TRPV6: variants seen among roughly 807,000 people sequenced by gnomAD.
TRPV6 encodes Alu-binding protein with zinc finger domain.
A neutral mutation model predicts 79.0 loss-of-function variants in TRPV6; 39 were observed. That is an observed-to-expected ratio of 0.49 (90% CI 0.38 to 0.64). The LOEUF (loss-of-function observed/expected upper bound fraction) is 0.64. Among genes scored for constraint, TRPV6 ranks in the 30% least tolerant of loss-of-function variants. The pLI is 0.00. For synonymous variants in TRPV6, 373 were observed against 391.9 expected (o/e 0.95, Z 0.57); for missense variants, 813 against 1,011.1 (o/e 0.80, Z 2.66).
At chr7:142,874,287 C>G in intron 11 of TRPV6, 145 bp from the exon 12 acceptor site, 3 of 1,142,692 alleles carry the variant, frequency 2.6e-6, no homozygotes, top group Non-Finnish European at 2.6e-6. Flanking sequence ...TGGACCAGAT[C>G]TACCTGACCT....
intron 1 of TRPV6, 86 bp downstream of exon 1, chr7:142,885,303 A>C: frequency 6.7e-7 from 1 of 1,483,410 alleles, no homozygotes; most frequent in Non-Finnish European, 9.0e-7. Flanking sequence ...AAAGGTGCCA[A>C]ACAAAGACGG....
Position 142,875,870 on chromosome 7 carries a change from G to T in TRPV6, c.917C>A (p.Thr306Asn), listed in dbSNP as rs765712349. The T allele has an allele frequency of 2.5e-6, 4 of 1,598,950 alleles. No individual in the cohort carries two copies. Among genetic ancestry groups the T allele is most frequent in the South Asian group, 2.2e-5 (2 of 88,952 alleles). ...GGTCAGTGGTCCATACGTCCACTGG[G>T]TGTGCTTCCGCTTCTGCATCAGGTG... Residue 306 changes from threonine to asparagine, a missense_variant, in exon 7 of 15, where the codon ACC (threonine) becomes AAC (asparagine). Around this residue, in one of 3 missense-constraint regions of TRPV6, gnomAD observed 555 missense variants for 631.0 expected, o/e 0.88. Coordinates refer to ENST00000359396, the MANE Select transcript of TRPV6 (RefSeq NM_018646.6).
Position 142,885,562 on chromosome 7 carries a change from C to A in TRPV6, c.75G>T (p.Arg25Ser), listed in dbSNP as rs768389271. 6.4e-7 allele frequency: 1 copy of A among 1,556,692 alleles called. No individual in the cohort carries two copies. The highest frequency in any genetic ancestry group is 8.7e-7 in the Non-Finnish European group (1 of 1,149,890). The change falls in exon 1 of 15, where the codon AGG becomes AGT. Residue 25 changes from arginine (R) to serine (S), a missense_variant. Around this residue, in one of 3 missense-constraint regions of TRPV6, gnomAD observed 555 missense variants for 631.0 expected, o/e 0.88. Transcript: ENST00000359396. The stretch of plus-strand genomic sequence containing the variant: ...TGGGGGCCTGAGGCCGAGGCCAGAC[C>A]CTGACGGGACTCAGCCTTGGGGCCA...
At chr7:142,882,225 G>A (rs1473241811) in intron 1 of TRPV6, 2 of 152,424 alleles carry the variant, frequency 1.3e-5, no homozygotes, top group Non-Finnish European at 2.9e-5. Context: ...GCATTCCTGG[G>A]TGGATACAGT....
At chr7:142,874,793 A>G in intron 10 of TRPV6, 111 bp downstream of exon 10, 2 of 1,549,574 alleles carry the variant, frequency 1.3e-6, no homozygotes, top group Non-Finnish European at 1.8e-6. Flanking sequence ...TCATACACAC[A>G]GCACTAGAGA....
intron 1 of TRPV6, chr7:142,882,914 G>A (rs918480788): frequency 6.6e-6 from 1 of 152,080 alleles, no homozygotes; most frequent in African/African-American, 2.4e-5. Context: ...TGGGGTTCAG[G>A]TTAAGCAGCC....
rs745619657 is a variant in TRPV6, at chr7:142,885,370, C to G, written c.248+19G>C. The G allele has an allele frequency of 1.1e-5, 17 of 1,601,752 alleles. No homozygotes were observed. In the South Asian group the frequency reaches 1.7e-4, roughly 16 times the overall value. ...AGGCCTGGGGAGGTGGGGAAGGGAG[C>G]AGACCAAGGGGGCCTTACCTCTTCT... On this transcript the variant is annotated intron_variant, in intron 1 of 14. Transcript: ENST00000359396.
chr7:142,876,596 C>G lies in TRPV6; in HGVS notation c.707-13G>C, dbSNP rs200078303. The G allele has an allele frequency of 1.4e-4, 223 of 1,613,708 alleles. No homozygotes were observed. Among genetic ancestry groups the G allele is most frequent in the Non-Finnish European group, 1.8e-4 (218 of 1,179,860 alleles). On this transcript the variant is annotated splice_polypyrimidine_tract_variant and intron_variant, in intron 5 of 14. Transcript: ENST00000359396. ...AACACTGTGTTTCCTGGGGAGGACA[C>G]AGGGTATCATGTGGCCACTGGCCTA...
At chr7:142,883,800 CAAG>C (rs1444633700) in intron 1 of TRPV6, 2 of 152,272 alleles carry the variant, frequency 1.3e-5, no homozygotes, top group African/African-American at 2.4e-5. Context: ...TGATATCCAG[CAAG>C]AAGAAGGCCA....
chr7:142,875,965 A>C, intron 6 of TRPV6, 61 bp from the exon 7 acceptor site: 13 of 1,510,400 alleles, frequency 8.6e-6, no homozygotes, highest in Non-Finnish European at 1.2e-5. Flanking sequence ...CAGAGTGTGG[A>C]TAGGATGCAT....
At position 142,885,475 on chromosome 7, in the gene TRPV6, G is replaced by A. The variant is rs1795286299; in HGVS notation, c.162C>T (p.Cys54=). ...ACCATCTGCAGAACTTGCTCCATAG[G>A]CAGAGAATTAGCCCTTTCTCCTTGG... The change falls in exon 1 of 15, where the codon TGC becomes TGT. Residue 54 remains cysteine, a synonymous_variant. Transcript: ENST00000359396. The A allele has an allele frequency of 1.2e-6, 2 of 1,613,822 alleles. No individual in the cohort carries two copies. Among genetic ancestry groups the A allele is most frequent in the Non-Finnish European group, 1.7e-6 (2 of 1,179,892 alleles).
In TRPV6 at chr7:142,877,942, C is replaced by T. The variant is rs1487699582; in HGVS notation, c.333G>A (p.Lys111=). The T allele has an allele frequency of 1.9e-6, 3 of 1,614,078 alleles. No homozygotes were observed. The highest frequency in any genetic ancestry group is 2.2e-5 in the East Asian group (1 of 44,886). ...TGTGCTTCTTACCTCTCTGGTGCAC[C>T]TTGCAATCCTCATACTTGAGCAACT... Residue 111 remains lysine (K), a synonymous_variant, in exon 2 of 15, where the codon AAG becomes AAA. Transcript: ENST00000359396.
chr7:142,876,690 C>T, intron 5 of TRPV6, 49 bp downstream of exon 5: 2 of 1,613,508 alleles, frequency 1.2e-6, no homozygotes, highest in Non-Finnish European at 1.7e-6. Context: ...CTCACCCTGT[C>T]CCTCACTCCC....
At chr7:142,885,342 T>C in intron 1 of TRPV6, 47 bp downstream of exon 1, 1 of 1,559,464 alleles carries the variant, frequency 6.4e-7, no homozygotes, top group South Asian at 1.2e-5. Context: ...GGGGTAGAGG[T>C]GCAGGCCTGG....
rs1252756349 is a variant in TRPV6, at chr7:142,874,957, C to T, written c.1353G>A (p.Gly451=). ...TGGTCTGTCCAAAGAAGCGAGTGAC[C>T]CCCATTCTGAAGATGTCTGGAACCT... Residue 451 remains glycine, a synonymous_variant, in exon 10 of 15, where the codon GGG becomes GGA. Coordinates refer to ENST00000359396, the MANE Select transcript of TRPV6 (RefSeq NM_018646.6). 3 of 1,613,914 alleles carry T rather than the reference C, an allele frequency of 1.9e-6. No individual in the cohort carries two copies. In the Admixed American group the frequency reaches 5.0e-5, roughly 27 times the overall value.
Position 142,874,624 on chromosome 7 carries a change from A to AT in TRPV6, c.1438dup (p.Met480AsnfsTer149). The AT allele has an allele frequency of 6.2e-7, 1 of 1,614,078 alleles. No individual in the cohort carries two copies. Among genetic ancestry groups the AT allele is most frequent in the Non-Finnish European group, 8.5e-7 (1 of 1,180,002 alleles). On this transcript the variant is annotated frameshift_variant, in exon 11 of 15. Transcript: ENST00000359396. LOFTEE classifies it high-confidence loss of function. ...GCTGGCACTGATGAGCCGCATCACC[A>AT]TGGTCACCAGCACCATGAAGGCATA... is the stretch of plus-strand genomic sequence containing the variant.
chr7:142,880,758 A>C (rs751954958), intron 1 of TRPV6: 3 of 152,224 alleles, frequency 2.0e-5, no homozygotes, highest in Non-Finnish European at 4.4e-5. Context: ...ACCAAATAAA[A>C]ATACAGGATG....
chr7:142,872,355 C>A lies in TRPV6; in HGVS notation c.2015+17G>T. 1 of 1,613,042 alleles carries A rather than the reference C, an allele frequency of 6.2e-7. No homozygotes were observed. The highest frequency in any genetic ancestry group is 8.5e-7 in the Non-Finnish European group (1 of 1,179,126). ...ATGAGGCTTCTCAGGGGACACCTAC[C>A]CCCGCATATCACTCACCGCAGGAAC... is the stretch of plus-strand genomic sequence containing the variant. On this transcript the variant is annotated intron_variant, in intron 14 of 14. Coordinates refer to ENST00000359396, the MANE Select transcript of TRPV6 (RefSeq NM_018646.6).
Position 142,876,576 on chromosome 7 carries a change from T to C in TRPV6, c.714A>G (p.Thr238=), listed in dbSNP as rs372680555. ...GCTGGAGGATGAGGATGTGTAACAC[T>C]GTGTTTCCTGGGGAGGACACAGGGT... The change falls in exon 6 of 15, where the codon ACA becomes ACG. Residue 238 remains threonine, a synonymous_variant. Transcript: ENST00000359396. 3.3e-5 allele frequency: 53 copies of C among 1,613,970 alleles called. No individual in the cohort carries two copies. The highest frequency in any genetic ancestry group is 4.3e-5 in the Non-Finnish European group (51 of 1,179,984).
Sources: allele counts gnomAD v4.1 joint callset, GRCh38; gene constraint gnomAD v4.1.1; regional missense constraint gnomAD v4.1.1; transcripts MANE v1.5; gene names NCBI Gene and HGNC (gene_info 2026-07-23, HGNC 2026-07-21).